NUP210L: variants seen among roughly 807,000 people sequenced by gnomAD.
The protein encoded by NUP210L is nuclear pore membrane glycoprotein 210-like.
A neutral mutation model predicts 208.5 loss-of-function variants in NUP210L; 74 were observed. The observed-to-expected ratio is 0.35, with a 90% CI of 0.29 to 0.43. The LOEUF is 0.43. NUP210L is among the 20% of genes least tolerant of loss of function. The pLI is 1.00. For synonymous variants in NUP210L, 780 were observed against 816.9 expected, an observed-to-expected ratio of 0.95 and a Z score of 0.77; for missense variants, 1,843 against 2,289.4, an observed-to-expected ratio of 0.81 and a Z score of 3.98.
At chr1:154,103,078 C>CTAATAA (rs34666241) in intron 13 of NUP210L, among the ~76,000 whole-genome samples, 765 of 149,356 alleles carry the variant, frequency 5.1e-3, no homozygotes, top group African/African-American at 0.01. Context: ...GACCCTGTCT[C>CTAATAA]TAATAATAAT....
At chr1:154,000,737 G>A in intron 37 of NUP210L, 119 bp downstream of exon 37, 1 of 798,186 alleles carries the variant, frequency 1.3e-6, no homozygotes, top group East Asian at 2.4e-5. Context: ...TTTATTTTTG[G>A]ACCGTGGTTG....
chr1:154,127,498 A>G, intron 8 of NUP210L, 81 bp from the exon 9 acceptor site: 1 of 625,348 alleles, frequency 1.6e-6, no homozygotes, highest in Non-Finnish European at 2.7e-6. Context: ...ACCTTTATAA[A>G]GCTGTTCAAA....
chr1:153,993,043 A>G (rs375489321), exon 39 of NUP210L: 12 of 1,613,798 alleles, frequency 7.4e-6, no homozygotes, highest in African/African-American at 1.3e-5. Context: ...GAGTTGGTAC[A>G]TACACAACTG....
intron 16 of NUP210L, among the ~76,000 whole-genome samples, chr1:154,077,178 C>T (rs56193055): frequency 0.26 from 38,901 of 151,736 alleles, 5,487 homozygotes; most frequent in Admixed American, 0.37. Flanking sequence ...AGTTTGAGAC[C>T]AGCCTGGGCA....
chr1:154,044,235 G>T (rs867850777), intron 27 of NUP210L, among the ~76,000 whole-genome samples: 8 of 151,782 alleles, frequency 5.3e-5, no homozygotes, highest in East Asian at 3.9e-4. Flanking sequence ...GTGAAACCCC[G>T]TCTCTACTAA....
chr1:154,134,874 AT>A (rs1291035248), intron 7 of NUP210L, among the ~76,000 whole-genome samples: 1 of 151,060 alleles, frequency 6.6e-6, no homozygotes, highest in Non-Finnish European at 1.5e-5. Flanking sequence ...AGTAGCTGGG[AT>A]TACAGGCATG....
intron 27 of NUP210L, among the ~76,000 whole-genome samples, chr1:154,035,206 G>A (rs990942120): frequency 1.3e-5 from 2 of 151,692 alleles, no homozygotes; most frequent in African/African-American, 2.4e-5. Flanking sequence ...CTGTCTAAAG[G>A]TTTGTCAATT....
chr1:154,145,371 T>C (rs892001482), intron 2 of NUP210L, among the ~76,000 whole-genome samples: 1 of 151,906 alleles, frequency 6.6e-6, no homozygotes, highest in Non-Finnish European at 1.5e-5. Context: ...TAAGCCAAGA[T>C]TGTGCCACTG....
intron 16 of NUP210L, among the ~76,000 whole-genome samples, chr1:154,072,794 C>T (rs993588658): frequency 1.3e-5 from 2 of 152,142 alleles, no homozygotes; most frequent in Non-Finnish European, 2.9e-5. Context: ...GGACTAAAAT[C>T]TAAGACTTGA....
intron 25 of NUP210L, among the ~76,000 whole-genome samples, chr1:154,049,867 G>A (rs1653389951): frequency 6.6e-6 from 1 of 152,158 alleles, no homozygotes; most frequent in South Asian, 2.1e-4. Context: ...AATTCCTGCA[G>A]TAAACAACCT....
intron 37 of NUP210L, among the ~76,000 whole-genome samples, chr1:153,999,734 C>CAAAAAAAAAAAAAAAAAAAAAAAA (rs1172554188): frequency 1.8e-5 from 1 of 54,594 alleles, no homozygotes; most frequent in Non-Finnish European, 3.3e-5. Flanking sequence ...AAGACTCTCT[C>CAAAAAAAAAAAAAAAAAAAAAAAA]AAAAAAAAAA....
chr1:154,044,858 T>C (rs909424694), intron 27 of NUP210L, among the ~76,000 whole-genome samples: 10 of 152,228 alleles, frequency 6.6e-5, no homozygotes, highest in African/African-American at 1.9e-4. Context: ...CAGCAAACTT[T>C]ACATAGTTTC....
chr1:154,007,508 C>T (rs564442720), intron 35 of NUP210L, among the ~76,000 whole-genome samples: 6 of 151,874 alleles, frequency 4.0e-5, no homozygotes, highest in African/African-American at 9.7e-5. Flanking sequence ...GTGATCCACC[C>T]GCCTCAGCTT....
chr1:154,150,244 CAT>C (rs545362157), intron 2 of NUP210L, among the ~76,000 whole-genome samples: 142 of 152,192 alleles, frequency 9.3e-4, no homozygotes, highest in African/African-American at 3.3e-3. Context: ...AATGGTGGCA[CAT>C]GTCTGTAATC....
chr1:154,055,919 C>T (rs376908212), intron 23 of NUP210L, among the ~76,000 whole-genome samples: 32 of 152,116 alleles, frequency 2.1e-4, no homozygotes, highest in African/African-American at 7.0e-4. Context: ...GCTGGGCTGG[C>T]GCAGTGTCTC....
intron 25 of NUP210L, among the ~76,000 whole-genome samples, chr1:154,051,310 C>T (rs372928539): frequency 3.1e-4 from 47 of 152,120 alleles, no homozygotes; most frequent in East Asian, 9.7e-4. Flanking sequence ...CCTGGGTTCA[C>T]GCCATTCTCC....
intron 36 of NUP210L, 114 bp downstream of exon 36, chr1:154,001,621 A>G (rs1384000579): frequency 2.9e-5 from 33 of 1,129,856 alleles, no homozygotes; most frequent in South Asian, 2.6e-4. Context: ...GTCATTTCCT[A>G]TGGTAATTTT....
intron 2 of NUP210L, among the ~76,000 whole-genome samples, chr1:154,144,326 T>A (rs776261352): frequency 4.6e-5 from 7 of 152,256 alleles, no homozygotes; most frequent in East Asian, 3.8e-4. Context: ...GTAGATTTTT[T>A]AAAATGTATT....
exon 20 of NUP210L, chr1:154,060,629 G>A: frequency 6.2e-7 from 1 of 1,609,732 alleles, no homozygotes; most frequent in Admixed American, 1.7e-5. Flanking sequence ...CCTTCCACAA[G>A]GCTAAATGTT....
Sources: gnomAD v4.1 joint callset for allele counts (sites outside exome capture counted in the v4.1 genomes callset) on GRCh38, gnomAD v4.1.1 for gene constraint, MANE v1.5 for transcripts, NCBI Gene and HGNC (gene_info 2026-07-23, HGNC 2026-07-21) for gene names.